The following RARB variants were observed in gnomAD, a reference collection of about 807,000 sequenced individuals.
RARB encodes retinoic acid receptor beta.
In RARB, 17 loss-of-function variants were observed where a neutral mutation model predicts 51.9. The ratio of observed to expected loss-of-function variants is 0.33; its 90% CI spans 0.22 to 0.49. The LOEUF (loss-of-function observed/expected upper bound fraction) is 0.49. Among genes scored for constraint, RARB ranks in the 20% least tolerant of loss-of-function variants. The probability of loss-of-function intolerance (pLI) is 0.99; values close to 1 mark genes in which losing one functional copy is unlikely to be tolerated. For synonymous variants in RARB, 215 were observed against 195.4 expected (o/e 1.10, Z -0.84); for missense variants, 369 against 550.8 (o/e 0.67, Z 3.30).
chr3:24,854,083 C>T (rs1400124794), intron 1 of RARB, among the ~76,000 whole-genome samples: 4 of 152,042 alleles, frequency 2.6e-5, no homozygotes, highest in Non-Finnish European at 5.9e-5. Flanking sequence ...GTAGTTTCAT[C>T]GTAAATAGAG....
At position 24,887,214 on chromosome 3, in the gene RARB, T is replaced by C. The variant is rs1703283460; in HGVS notation, c.-380+28462T>C. On this transcript the variant is annotated intron_variant, in intron 2 of 11. Coordinates refer to the RARB transcript ENST00000383772. ...AGTATGCAGGAGGAAAGATGATGTATGAAGAAAACTTTCAAGGCGGCGGGG... is the reference window on the plus strand; with the variant it reads ...AGTATGCAGGAGGAAAGATGATGTACGAAGAAAACTTTCAAGGCGGCGGGG... Among the ~76,000 whole-genome samples the C allele has an allele frequency of 1.3e-5, 2 of 152,212 alleles. 1 individual carries two copies. The highest frequency in any genetic ancestry group is 4.1e-4 in the South Asian group (2 of 4,838).
At chr3:25,451,003 C>G (rs1427863042) in intron 1 of RARB, among the ~76,000 whole-genome samples, 6 of 152,280 alleles carry the variant, frequency 3.9e-5, no homozygotes, top group Middle Eastern at 3.4e-3. Flanking sequence ...AGGAGAATCT[C>G]TTGATCCCGG....
intron 5 of RARB, among the ~76,000 whole-genome samples, chr3:25,328,846 G>C (rs143454335): frequency 6.6e-6 from 1 of 152,188 alleles, no homozygotes; most frequent in Non-Finnish European, 1.5e-5. Flanking sequence ...TTTTCCAATG[G>C]TCTTAGCAAA....
intron 1 of RARB, among the ~76,000 whole-genome samples, chr3:25,447,862 A>G (rs1442727725): frequency 7.9e-5 from 12 of 152,118 alleles, no homozygotes; most frequent in Admixed American, 7.9e-4. Context: ...TTTGAGAGGG[A>G]AAATGGAAGT....
intron 3 of RARB, among the ~76,000 whole-genome samples, chr3:25,502,790 A>G (rs1475382292): frequency 6.6e-6 from 1 of 152,188 alleles, no homozygotes; most frequent in Non-Finnish European, 1.5e-5. Context: ...CCATCCTCCA[A>G]TCCCCAGGGA....
At chr3:25,115,907 A>G (rs941586174) in intron 3 of RARB, among the ~76,000 whole-genome samples, 1 of 152,276 alleles carries the variant, frequency 6.6e-6, no homozygotes, top group South Asian at 2.1e-4. Context: ...CTGGGGTTAC[A>G]GGCATGAGGC....
At chr3:25,254,274 T>G (rs322711) in intron 5 of RARB, among the ~76,000 whole-genome samples, 34,799 of 152,076 alleles carry the variant, frequency 0.23, 4,803 homozygotes, top group African/African-American at 0.39. Flanking sequence ...TTTCCTGTCT[T>G]TATTTACTTT....
chr3:24,912,141 G>T (rs1695001295), intron 2 of RARB, among the ~76,000 whole-genome samples: 1 of 152,144 alleles, frequency 6.6e-6, no homozygotes, highest in East Asian at 1.9e-4. Flanking sequence ...CAGATAGCAG[G>T]AGAGTTGCTA....
At chr3:25,571,374 C>A (rs1031580179) in intron 4 of RARB, among the ~76,000 whole-genome samples, 1 of 152,224 alleles carries the variant, frequency 6.6e-6, no homozygotes, top group Non-Finnish European at 1.5e-5. Flanking sequence ...GGTCTGCAGA[C>A]CAGACTCTGA....
Position 25,355,498 on chromosome 3 carries a change from AGTTT to A in RARB, c.179-105678_179-105675del, listed in dbSNP as rs931550214. ...TCTTGACAGGAGTTTATTTGGCTGG[AGTTT>A]GTTTGTTTGTTTGTTTATTTGTCAC... On this transcript the variant is annotated intron_variant, in intron 5 of 11. Coordinates refer to the RARB transcript ENST00000383772. 1.9e-3 allele frequency among the ~76,000 whole-genome samples: 286 copies of A among 151,952 alleles called. 2 individuals are homozygous for A. The highest frequency in any genetic ancestry group is 5.8e-3 in the African/African-American group (239 of 41,438).
At chr3:25,108,671 G>C (rs140937665) in intron 3 of RARB, among the ~76,000 whole-genome samples, 10 of 152,240 alleles carry the variant, frequency 6.6e-5, no homozygotes, top group African/African-American at 2.4e-4. Flanking sequence ...CTGCTATGGT[G>C]TTTTTGTATA....
chr3:25,069,203 G>C (rs909828456), intron 3 of RARB, among the ~76,000 whole-genome samples: 1 of 150,346 alleles, frequency 6.7e-6, no homozygotes, highest in African/African-American at 2.5e-5. Flanking sequence ...GCAGGACTGT[G>C]AGAAAGATTT....
intron 2 of RARB, among the ~76,000 whole-genome samples, chr3:24,953,598 C>T (rs960192867): frequency 6.6e-6 from 1 of 152,150 alleles, no homozygotes; most frequent in African/African-American, 2.4e-5. Context: ...ATAGAGATAA[C>T]TGGATGATAG....
At chr3:25,064,283 C>A (rs769703041) in intron 3 of RARB, among the ~76,000 whole-genome samples, 5 of 152,040 alleles carry the variant, frequency 3.3e-5, no homozygotes, top group African/African-American at 1.2e-4. Context: ...AATATTATCT[C>A]ATAAATATAC....
At chr3:25,125,514 G>A (rs1217345258) in intron 3 of RARB, among the ~76,000 whole-genome samples, 1 of 152,160 alleles carries the variant, frequency 6.6e-6, no homozygotes, top group East Asian at 1.9e-4. Context: ...AAAAATTGAT[G>A]TTCAGTTGGG....
At chr3:25,195,060 A>C (rs774810938) in intron 5 of RARB, among the ~76,000 whole-genome samples, 4 of 152,036 alleles carry the variant, frequency 2.6e-5, no homozygotes, top group Non-Finnish European at 2.9e-5. Flanking sequence ...GTGTCTCTAA[A>C]AGTGTGTGCT....
intron 5 of RARB, among the ~76,000 whole-genome samples, chr3:25,289,282 GT>G (rs1703728152): frequency 6.6e-6 from 1 of 152,184 alleles, no homozygotes; most frequent in Admixed American, 6.5e-5. Flanking sequence ...AATGAGATCT[GT>G]GTGTAAAGCA....
intron 5 of RARB, among the ~76,000 whole-genome samples, chr3:25,364,483 A>T (rs776915371): frequency 6.6e-6 from 1 of 152,238 alleles, no homozygotes; most frequent in African/African-American, 2.4e-5. Flanking sequence ...ACATTCTAAG[A>T]TTCATCATCC....
At chr3:25,515,201 T>C (rs570134213) in intron 3 of RARB, among the ~76,000 whole-genome samples, 1 of 152,324 alleles carries the variant, frequency 6.6e-6, no homozygotes, top group South Asian at 2.1e-4. Context: ...TCCTTAAAAA[T>C]AGAATTGCAT....
Sources: allele counts gnomAD v4.1 joint callset (sites outside exome capture counted in the v4.1 genomes callset), GRCh38; gene constraint gnomAD v4.1.1; transcripts MANE v1.5; gene names NCBI Gene and HGNC (gene_info 2026-07-23, HGNC 2026-07-21).